Variants in CNTN5 observed in about 807,000 individuals in gnomAD.
The protein encoded by CNTN5 is contactin-5.
In CNTN5, 77 loss-of-function variants were observed where a neutral mutation model predicts 129.1. That is an observed-to-expected ratio of 0.60 (90% CI 0.50 to 0.72). The LOEUF is 0.72. Among genes scored for constraint, CNTN5 ranks in the 30% least tolerant of loss-of-function variants. CNTN5 has a pLI of 0.00. For synonymous variants in CNTN5, 509 were observed against 465.6 expected (o/e 1.09, Z -1.20); for missense variants, 1,478 against 1,328.8 (o/e 1.11, Z -1.75).
intron 2 of CNTN5, among the ~76,000 whole-genome samples, chr11:99,544,341 C>T (rs1368545955): frequency 6.6e-6 from 1 of 152,150 alleles, no homozygotes; most frequent in Non-Finnish European, 1.5e-5. Context: ...GTTACAACAT[C>T]AAACTGTATT....
intron 1 of CNTN5, among the ~76,000 whole-genome samples, chr11:99,201,022 CTTT>C (rs755605041): frequency 2.4e-5 from 2 of 83,176 alleles, no homozygotes; most frequent in Non-Finnish European, 4.5e-5. Context: ...TCCTTCCTTC[CTTT>C]TTTTTTTTTT....
intron 3 of CNTN5, among the ~76,000 whole-genome samples, chr11:99,654,481 G>A (rs892009690): frequency 1.3e-5 from 2 of 151,978 alleles, no homozygotes; most frequent in African/African-American, 4.8e-5. Context: ...GTGGAACAGG[G>A]GGTAGTATGG....
chr11:99,481,660 G>A (rs558147524), intron 2 of CNTN5, among the ~76,000 whole-genome samples: 129 of 152,218 alleles, frequency 8.5e-4, no homozygotes, highest in African/African-American at 2.8e-3. Context: ...CCTGCTTATT[G>A]CTTCAAGCTC....
intron 17 of CNTN5, 76 bp from the exon 18 acceptor site, chr11:100,271,016 C>A: frequency 1.7e-6 from 2 of 1,179,478 alleles, no homozygotes; most frequent in South Asian, 1.5e-5. Context: ...CTGTCAGTAG[C>A]ATTAATATTC....
chr11:99,999,472 A>T lies in CNTN5; in HGVS notation c.878-2562A>T, dbSNP rs1393235345. Among the ~76,000 whole-genome samples the T allele has an allele frequency of 8.5e-5, 13 of 152,306 alleles. No homozygotes were observed. The East Asian group carries it at 2.5e-3, about 29-fold the overall frequency. On this transcript the variant is annotated intron_variant, in intron 8 of 24. Transcript: ENST00000524871. ...CCACAATGAGATACCATCTCACACC[A>T]GTTAGAATGGCGATCATTAAAAAGT...
At chr11:99,826,806 G>A (rs2135587475) in intron 4 of CNTN5, among the ~76,000 whole-genome samples, 1 of 152,194 alleles carries the variant, frequency 6.6e-6, no homozygotes, top group South Asian at 2.1e-4. Flanking sequence ...TTAATCAGTG[G>A]AATCTTTTTA....
intron 6 of CNTN5, among the ~76,000 whole-genome samples, chr11:99,846,354 T>C (rs1408408786): frequency 1.2e-5 from 1 of 80,436 alleles, no homozygotes; most frequent in Non-Finnish European, 2.1e-5. Flanking sequence ...TGAGGATCTG[T>C]CTCAAAAAAA....
At chr11:100,049,087 GA>G (rs1452130044) in intron 9 of CNTN5, among the ~76,000 whole-genome samples, 4 of 152,022 alleles carry the variant, frequency 2.6e-5, no homozygotes, top group African/African-American at 9.7e-5. Context: ...TAGATTGCAG[GA>G]AATGTAATAC....
At chr11:99,879,192 C>T (rs903459213) in intron 6 of CNTN5, among the ~76,000 whole-genome samples, 1 of 152,208 alleles carries the variant, frequency 6.6e-6, no homozygotes, top group Middle Eastern at 3.4e-3. Context: ...CCCACCTCGG[C>T]CTCCCAAAGT....
intron 1 of CNTN5, among the ~76,000 whole-genome samples, chr11:99,029,934 G>C (rs1026041362): frequency 6.6e-6 from 1 of 152,238 alleles, no homozygotes; most frequent in East Asian, 1.9e-4. Flanking sequence ...CTCTATGACT[G>C]TGTGAGTTAG....
chr11:99,314,198 C>T (rs61893140), intron 1 of CNTN5, among the ~76,000 whole-genome samples: 14,879 of 151,820 alleles, frequency 0.098, 1,570 homozygotes, highest in East Asian at 0.46. Flanking sequence ...AAAAATTATG[C>T]CATGTAAATT....
intron 15 of CNTN5, among the ~76,000 whole-genome samples, chr11:100,204,297 A>ATAT (rs1555039166): frequency 0.014 from 240 of 17,652 alleles, 29 homozygotes; most frequent in Middle Eastern, 0.077. Flanking sequence ...AACATTGACT[A>ATAT]ATATATATAT....
intron 12 of CNTN5, 53 bp downstream of exon 12, chr11:100,071,887 T>G (rs1943937028): frequency 6.8e-7 from 1 of 1,467,316 alleles, no homozygotes; most frequent in Admixed American, 2.6e-5. Flanking sequence ...CTTCTTTTCA[T>G]GCTCTAATTT....
intron 3 of CNTN5, among the ~76,000 whole-genome samples, chr11:99,651,002 A>G (rs1952134119): frequency 6.6e-6 from 1 of 151,996 alleles, no homozygotes; most frequent in Non-Finnish European, 1.5e-5. Flanking sequence ...TGAGAAGAAT[A>G]AGAGAAATTG....
intron 9 of CNTN5, among the ~76,000 whole-genome samples, chr11:100,005,304 A>G (rs543587919): frequency 6.6e-6 from 1 of 152,126 alleles, no homozygotes; most frequent in African/African-American, 2.4e-5. Context: ...CTGCACCTGT[A>G]TCTCCTGCTC....
At chr11:99,787,104 TTTTA>T (rs1159005460) in intron 3 of CNTN5, among the ~76,000 whole-genome samples, 32 of 151,016 alleles carry the variant, frequency 2.1e-4, no homozygotes, top group Middle Eastern at 3.4e-3. Context: ...TTTTTTTGTT[TTTTA>T]TTTATTTATT....
chr11:99,688,336 C>A (rs1475139426), intron 3 of CNTN5, among the ~76,000 whole-genome samples: 2 of 152,092 alleles, frequency 1.3e-5, no homozygotes, highest in Non-Finnish European at 1.5e-5. Flanking sequence ...AGCCATCATG[C>A]CCAGCCAAGA....
chr11:99,530,000 T>C (rs918119673), intron 2 of CNTN5, among the ~76,000 whole-genome samples: 60 of 152,306 alleles, frequency 3.9e-4, no homozygotes, highest in African/African-American at 1.4e-3. Context: ...TAGAGGGACA[T>C]AAAACATTTA....
intron 3 of CNTN5, among the ~76,000 whole-genome samples, chr11:99,680,805 A>G (rs1953517839): frequency 2.0e-5 from 3 of 152,006 alleles, no homozygotes; most frequent in Admixed American, 2.0e-4. Flanking sequence ...TTTCTTAATA[A>G]AACTTCAAAA....
Sources: allele counts gnomAD v4.1 joint callset (sites outside exome capture counted in the v4.1 genomes callset), GRCh38; gene constraint gnomAD v4.1.1; transcripts MANE v1.5; gene names NCBI Gene and HGNC (gene_info 2026-07-23, HGNC 2026-07-21).